The following ACSF3 variants were observed in gnomAD, a reference collection of about 807,000 sequenced individuals.
ACSF3 encodes acyl-CoA synthetase family member 3, also known as malonate--CoA ligase ACSF3, mitochondrial.
In ACSF3, 78 loss-of-function variants were observed where a neutral mutation model predicts 53.2. That is an observed-to-expected ratio of 1.47 (90% CI 1.22 to 1.77). The LOEUF (loss-of-function observed/expected upper bound fraction) is 1.77. Among genes scored for constraint, ACSF3 ranks in the 40% most tolerant of loss-of-function variants. The pLI is 0.00. For synonymous variants in ACSF3, 414 were observed against 333.1 expected (o/e 1.24, Z -2.65); for missense variants, 937 against 771.1 (o/e 1.22, Z -2.55).
At chr16:89,107,229 C>T (rs927696431) in intron 4 of ACSF3, among the ~76,000 whole-genome samples, 2 of 152,208 alleles carry the variant, frequency 1.3e-5, no homozygotes, top group Admixed American at 1.3e-4. Flanking sequence ...AGGTCACCCT[C>T]GGCTCTCAGT....
chr16:89,148,417 C>T (rs994360294), intron 10 of ACSF3: 3 of 152,110 alleles, frequency 2.0e-5, no homozygotes, highest in Admixed American at 2.0e-4. Context: ...TCTTAAAGCC[C>T]CAAAATAATC....
chr16:89,105,760 G>A (rs1386323992), intron 4 of ACSF3, among the ~76,000 whole-genome samples: 2 of 152,230 alleles, frequency 1.3e-5, no homozygotes, highest in Non-Finnish European at 2.9e-5. Context: ...GTGCCAGGGC[G>A]AGATGCAGCT....
intron 6 of ACSF3, among the ~76,000 whole-genome samples, chr16:89,120,348 G>A (rs933100559): frequency 3.3e-5 from 5 of 152,352 alleles, no homozygotes; most frequent in East Asian, 3.9e-4. Flanking sequence ...GTCGTGTGCC[G>A]GGCACACACA....
At chr16:89,133,339 C>G (rs1909729885) in intron 8 of ACSF3, 77 bp downstream of exon 8, 1 of 1,593,260 alleles carries the variant, frequency 6.3e-7, no homozygotes, top group Non-Finnish European at 8.6e-7. Flanking sequence ...CGTTGAGTGA[C>G]ACCGAGGCTG....
At chr16:89,142,339 A>C (rs530631376) in intron 8 of ACSF3, among the ~76,000 whole-genome samples, 1 of 152,192 alleles carries the variant, frequency 6.6e-6, no homozygotes, top group South Asian at 2.1e-4. Flanking sequence ...CAAGGCCTAC[A>C]GCAGGGTCTC....
rs1914679495 is a variant in ACSF3 at position 89,156,210 on chromosome 16, C to G, written c.*2003C>G. 6.6e-6 allele frequency among the ~76,000 whole-genome samples: 1 copy of G among 152,144 alleles called. No homozygotes were observed. On this transcript the variant is annotated 3_prime_UTR_variant, in exon 11 of 11. Coordinates refer to ENST00000614302, the MANE Select transcript of ACSF3 (RefSeq NM_001243279.3). ...GGGAACTCATCCTCTCCTCCCTCCC[C>G]ATTAAAGCCCAGTTTATTCCCCATC...
chr16:89,100,735 C>T lies in ACSF3; in HGVS notation c.54C>T (p.Ser18=), dbSNP rs2151405049. ...TFRRLGCALA[S]CRLAPARHRG... is the part of the protein sequence containing the mutation. The stretch of plus-strand genomic sequence containing the variant: ...GGCGCCTGGGCTGCGCCTTGGCGTC[C>T]TGCCGGCTGGCGCCTGCGAGACACA... Residue 18 remains serine (S), a synonymous_variant, in exon 3 of 11, where the codon TCC becomes TCT. Transcript: ENST00000614302. 4 of 1,605,054 alleles carry T rather than the reference C, an allele frequency of 2.5e-6. No individual in the cohort carries two copies. The highest frequency in any genetic ancestry group is 3.4e-6 in the Non-Finnish European group (4 of 1,179,752).
At position 89,154,189 on chromosome 16, in the gene ACSF3, G is replaced by T; in HGVS notation, c.1713G>T (p.Arg571Ser). 1 of 1,613,504 alleles carries T rather than the reference G, an allele frequency of 6.2e-7. No homozygotes were observed. The highest frequency in any genetic ancestry group is 8.5e-7 in the Non-Finnish European group (1 of 1,179,846). ...AGATTGACAAGAAGGCGCTCATCAG[G>T]CACTTCCACCCCTCATGACCCGGCA... Reference protein sequence around the residue: ...MGKIDKKALIRHFHPS With the variant: ...MGKIDKKALISHFHPS The change falls in exon 11 of 11, where the codon AGG becomes AGT. Residue 571 changes from arginine (R) to serine (S), a missense_variant. Physicochemically the swap from Arg to Ser is moderately radical, Grantham distance 110. Coordinates refer to ENST00000614302, the MANE Select transcript of ACSF3 (RefSeq NM_001243279.3).
At position 89,145,938 on chromosome 16, in the gene ACSF3, A is replaced by G; in HGVS notation, c.1502A>G (p.Asp501Gly). 1 of 1,612,848 alleles carries G rather than the reference A, an allele frequency of 6.2e-7. No individual in the cohort carries two copies. Among genetic ancestry groups the G allele is most frequent in the Non-Finnish European group, 8.5e-7 (1 of 1,179,052 alleles). Residue 501 changes from aspartate to glycine, a missense_variant and splice_region_variant, in exon 10 of 11, where the codon GAT becomes GGT. Asp to Gly is a moderately conservative substitution (Grantham distance 94). Coordinates refer to ENST00000614302, the MANE Select transcript of ACSF3 (RefSeq NM_001243279.3). The part of the protein sequence containing the change: ...WHLLAHPSIT[D>G]VAVIGVPDMT... ...TCTCAAACTGTTCTTCTATCCGCAG[A>G]TGTGGCTGTGATTGGAGTTCCGGAT...
At chr16:89,129,081 G>A (rs1185142760) in intron 7 of ACSF3, among the ~76,000 whole-genome samples, 3 of 152,228 alleles carry the variant, frequency 2.0e-5, no homozygotes, top group African/African-American at 7.2e-5. Context: ...GCAGTGAGCT[G>A]TGATGATGCC....
intron 4 of ACSF3, among the ~76,000 whole-genome samples, chr16:89,109,980 T>C (rs1468083768): frequency 6.6e-6 from 1 of 152,230 alleles, no homozygotes; most frequent in Non-Finnish European, 1.5e-5. Context: ...GTTTGTCTTC[T>C]TACTGAGTTG....
At chr16:89,124,598 A>T (rs1907571188) in intron 7 of ACSF3, among the ~76,000 whole-genome samples, 2 of 151,136 alleles carry the variant, frequency 1.3e-5, no homozygotes, top group African/African-American at 4.9e-5. Flanking sequence ...TGTGATACCC[A>T]TGCATGCACT....
intron 1 of ACSF3, 77 bp downstream of exon 1, chr16:89,094,073 C>A (rs1358018046): frequency 1.3e-5 from 2 of 150,990 alleles, no homozygotes; most frequent in East Asian, 3.9e-4. Context: ...GCTCCGGCGC[C>A]CGCCCCTGGG....
intron 1 of ACSF3, among the ~76,000 whole-genome samples, chr16:89,097,443 A>G (rs1567678974): frequency 6.6e-6 from 1 of 152,000 alleles, no homozygotes; most frequent in South Asian, 2.1e-4. Context: ...CACCCAAGGC[A>G]CTCCCTGTGG....
intron 7 of ACSF3, among the ~76,000 whole-genome samples, chr16:89,121,537 C>T (rs1032528033): frequency 3.3e-5 from 5 of 152,206 alleles, no homozygotes; most frequent in African/African-American, 7.2e-5. Context: ...CACGTGAACT[C>T]ATCACAGAGA....
chr16:89,145,468 AGAC>A, intron 9 of ACSF3, 67 bp downstream of exon 9: 6 of 1,588,550 alleles, frequency 3.8e-6, no homozygotes, highest in Non-Finnish European at 5.2e-6. Context: ...TTTGAGTTTT[AGAC>A]GACTGCAGAT....
At position 89,112,247 on chromosome 16, in the gene ACSF3, G is replaced by A. The variant is rs141056046; in HGVS notation, c.977+1G>A. 13 of 1,614,012 alleles carry A rather than the reference G, an allele frequency of 8.1e-6. No individual in the cohort carries two copies. Among genetic ancestry groups the A allele is most frequent in the Non-Finnish European group, 1.1e-5 (13 of 1,180,014 alleles). ...GTGCAGTTTGTGAAGAAAAAATTAG[G>A]TAAGTGAAAAGAGCCCACTTTCTCG... On this transcript the variant is annotated splice_donor_variant, in intron 5 of 10. Transcript: ENST00000614302. LOFTEE classifies it high-confidence loss of function.
Position 89,114,328 on chromosome 16 carries a change from G to T in ACSF3, c.978-11G>T, listed in dbSNP as rs773241077. 1 of 1,613,910 alleles carries T rather than the reference G, an allele frequency of 6.2e-7. No homozygotes were observed. Among genetic ancestry groups the T allele is most frequent in the South Asian group, 1.1e-5 (1 of 91,090 alleles). On this transcript the variant is annotated splice_polypyrimidine_tract_variant and intron_variant, in intron 5 of 10. Coordinates refer to ENST00000614302, the MANE Select transcript of ACSF3 (RefSeq NM_001243279.3). ...CAAGGGGCTAAACCTGCCTTTGGTTGTGCCGCGTAGGCTGATGGTCTCAGG... is the reference window on the plus strand; with the variant it reads ...CAAGGGGCTAAACCTGCCTTTGGTTTTGCCGCGTAGGCTGATGGTCTCAGG...
At chr16:89,140,024 G>A (rs1294649724) in intron 8 of ACSF3, among the ~76,000 whole-genome samples, 1 of 152,246 alleles carries the variant, frequency 6.6e-6, no homozygotes, top group Non-Finnish European at 1.5e-5. Flanking sequence ...AGGTCAGGGA[G>A]TTGGGTCTCA....
Sources: allele counts gnomAD v4.1 joint callset (sites outside exome capture counted in the v4.1 genomes callset), GRCh38; gene constraint gnomAD v4.1.1; transcripts MANE v1.5; gene names NCBI Gene and HGNC (gene_info 2026-07-23, HGNC 2026-07-21).